Variants in PTER observed in about 807,000 individuals in gnomAD.
The protein encoded by PTER is N-acetyltaurine hydrolase.
Under a neutral mutation model 29.6 loss-of-function variants are expected in PTER, and 38 were observed. The ratio of observed to expected loss-of-function variants is 1.28; its 90% confidence interval spans 0.99 to 1.68. The LOEUF (loss-of-function observed/expected upper bound fraction) is 1.68. PTER is among the 40% of genes most tolerant of loss of function. The pLI is 0.00. For missense variants in PTER, 482 were observed against 427.8 expected, an observed-to-expected ratio of 1.13 and a Z score of -1.12; for synonymous variants, 172 against 154.5, an observed-to-expected ratio of 1.11 and a Z score of -0.84.
Position 16,512,243 on chromosome 10 carries a change from G to C in PTER, c.*987G>C, listed in dbSNP as rs764758441. 3 of 152,046 alleles carry C rather than the reference G, an allele frequency of 2.0e-5. No individual in the cohort carries two copies. In the East Asian group the frequency reaches 5.8e-4, roughly 29 times the overall value. 9.4% of individuals were successfully genotyped at this position (152,046 alleles called of 1,614,324 possible). A position where few individuals can be genotyped will look rare whatever the true frequency, so the allele number is the denominator to read the frequency against. On this transcript the variant is annotated 3_prime_UTR_variant, in exon 5 of 5. Transcript: ENST00000535784. ...AAAAGGTATCCAGCCCTGATATTTT[G>C]TGTAAATAAAATGTTTTTAAAACCT...
chr10:16,512,678 A>G lies in PTER; in HGVS notation c.*1422A>G, dbSNP rs1836858896. ...TGTGTATTGGAACAGAAAGTAACAA[A>G]GAGGAATGAGCCAGGAGAACAAACT... On this transcript the variant is annotated 3_prime_UTR_variant, in exon 5 of 5. Coordinates refer to ENST00000535784, the MANE Select transcript of PTER (RefSeq NM_001261836.2). The G allele has an allele frequency of 6.6e-6, 1 of 152,150 alleles. No homozygotes were observed. The highest frequency in any genetic ancestry group is 2.4e-5 in the African/African-American group (1 of 41,448). 9.4% of individuals were successfully genotyped at this position (152,150 alleles called of 1,614,324 possible).
At position 16,447,260 on chromosome 10, in the gene PTER, A is replaced by ATT. The variant is rs1008019019; in HGVS notation, c.-49+10225_-49+10226dup. The stretch of plus-strand genomic sequence containing the variant: ...AGACGACAGGCACATGCCACACCTA[A>ATT]TTTTTTTTTTTTTACTTTTGTAGAG... On this transcript the variant is annotated intron_variant, in intron 1 of 4. Transcript: ENST00000535784. 1.3e-4 allele frequency among the ~76,000 whole-genome samples: 18 copies of ATT among 142,512 alleles called. No individual in the cohort carries two copies. In the South Asian group the frequency reaches 4.0e-3, roughly 32 times the overall value. 93.5% of individuals were successfully genotyped at this position (142,512 alleles called of 152,430 possible). A position where few individuals can be genotyped will look rare whatever the true frequency, so the allele number is the denominator to read the frequency against.
chr10:16,481,792 C>G (rs1835489890), intron 1 of PTER, among the ~76,000 whole-genome samples: 1 of 152,182 alleles, frequency 6.6e-6, no homozygotes, highest in African/African-American at 2.4e-5. Context: ...GTTTCTGCCC[C>G]TCTGTGACTC....
chr10:16,514,040 T>A, downstream of PTER: 1 of 329,304 alleles, frequency 3.0e-6, no homozygotes. Flanking sequence ...AACAATTTCT[T>A]TGGGGACAAG....
At chr10:16,486,646 A>T in intron 3 of PTER, 29 bp downstream of exon 3, 2 of 1,584,274 alleles carry the variant, frequency 1.3e-6, no homozygotes, top group Non-Finnish European at 1.7e-6. Flanking sequence ...AAATGGATGC[A>T]AACTGCCATA....
At chr10:16,468,796 A>G in intron 1 of PTER, among the ~76,000 whole-genome samples, 1 of 143,012 alleles carries the variant, frequency 7.0e-6, no homozygotes, top group South Asian at 2.3e-4. Flanking sequence ...CAACACAGGG[A>G]GACCCCTTTC....
At chr10:16,489,837 T>C (rs574397811) in intron 3 of PTER, among the ~76,000 whole-genome samples, 2 of 152,278 alleles carry the variant, frequency 1.3e-5, no homozygotes, top group South Asian at 4.1e-4. Context: ...AACTAAATTT[T>C]AGACTTGAGA....
chr10:16,496,440 GT>G lies in PTER; in HGVS notation c.699-8579del, dbSNP rs142700923. Reference sequence around the variant, plus strand: ...CACTGACCATGTCTTTGAGTGCCCTGTATTGGTTGTCCTTATATGCATCTCA... The same window carrying G: ...CACTGACCATGTCTTTGAGTGCCCTGATTGGTTGTCCTTATATGCATCTCA... On this transcript the variant is annotated intron_variant, in intron 3 of 4. Coordinates refer to ENST00000535784, the MANE Select transcript of PTER (RefSeq NM_001261836.2). 4.6e-3 allele frequency among the ~76,000 whole-genome samples: 699 copies of G among 152,280 alleles called. 6 individuals carry two copies. The highest frequency in any genetic ancestry group is 0.015 in the African/African-American group (640 of 41,542).
intron 1 of PTER, among the ~76,000 whole-genome samples, chr10:16,475,168 A>G (rs1052206087): frequency 1.3e-5 from 2 of 152,150 alleles, no homozygotes; most frequent in African/African-American, 4.8e-5. Context: ...CAACATAGGA[A>G]TTTTGGAGGG....
Position 16,511,259 on chromosome 10 carries a change from T to C in PTER, c.*3T>C. On this transcript the variant is annotated 3_prime_UTR_variant, in exon 5 of 5. Coordinates refer to ENST00000535784, the MANE Select transcript of PTER (RefSeq NM_001261836.2). ...AGCAATGGCTAACTTTCAAATAGGATGGTTGCTTATGAATTCACACCTTGA... is the reference window on the plus strand; with the variant it reads ...AGCAATGGCTAACTTTCAAATAGGACGGTTGCTTATGAATTCACACCTTGA... The C allele has an allele frequency of 2.5e-6, 4 of 1,610,522 alleles. No individual in the cohort carries two copies. Among genetic ancestry groups the C allele is most frequent in the Non-Finnish European group, 3.4e-6 (4 of 1,176,908 alleles).
chr10:16,459,877 G>T (rs527680906), intron 1 of PTER, among the ~76,000 whole-genome samples: 22 of 152,146 alleles, frequency 1.4e-4, no homozygotes, highest in Middle Eastern at 3.4e-3. Flanking sequence ...CCTCCTGAGT[G>T]GCTGGGATTA....
At chr10:16,504,693 A>G (rs904368795) in intron 3 of PTER, among the ~76,000 whole-genome samples, 2 of 152,196 alleles carry the variant, frequency 1.3e-5, no homozygotes, top group Non-Finnish European at 2.9e-5. Context: ...GATTCTCAAA[A>G]TAGTGTGGGG....
chr10:16,510,590 T>G (rs959330854), intron 4 of PTER, among the ~76,000 whole-genome samples: 1 of 152,186 alleles, frequency 6.6e-6, no homozygotes, highest in African/African-American at 2.4e-5. Context: ...TTTCCCTATT[T>G]TAATCGCAAA....
At chr10:16,440,602 T>C (rs1174361197) in intron 1 of PTER, among the ~76,000 whole-genome samples, 1 of 152,178 alleles carries the variant, frequency 6.6e-6, no homozygotes, top group African/African-American at 2.4e-5. Context: ...CGTGACTTGT[T>C]TGGCTAACGA....
At chr10:16,499,285 T>C (rs928008650) in intron 3 of PTER, among the ~76,000 whole-genome samples, 5 of 152,150 alleles carry the variant, frequency 3.3e-5, no homozygotes, top group African/African-American at 1.2e-4. Flanking sequence ...TCATACCACA[T>C]ACTACTTATT....
chr10:16,516,997 A>C (rs966931816), downstream of PTER, among the ~76,000 whole-genome samples: 1 of 152,194 alleles, frequency 6.6e-6, no homozygotes, highest in Non-Finnish European at 1.5e-5. Flanking sequence ...TACTCTAAAG[A>C]TATAACAGGA....
chr10:16,463,771 C>A (rs188400573), intron 1 of PTER, among the ~76,000 whole-genome samples: 2 of 152,112 alleles, frequency 1.3e-5, no homozygotes, highest in Non-Finnish European at 2.9e-5. Flanking sequence ...TGTTGGTCGA[C>A]GCCCAAAGGA....
At chr10:16,439,749 TG>T (rs942780909) in intron 1 of PTER, among the ~76,000 whole-genome samples, 2 of 152,094 alleles carry the variant, frequency 1.3e-5, no homozygotes, top group Non-Finnish European at 1.5e-5. Context: ...TTTGTAGAGA[TG>T]GGGGGTCTTG....
At chr10:16,486,213 C>A in intron 2 of PTER, 139 bp from the exon 3 acceptor site, 1 of 1,015,932 alleles carries the variant, frequency 9.8e-7, no homozygotes, top group Non-Finnish European at 1.4e-6. Flanking sequence ...TTTTCCTTGG[C>A]CAATATTAAT....
Sources: allele counts gnomAD v4.1 joint callset (sites outside exome capture counted in the v4.1 genomes callset), GRCh38; gene constraint gnomAD v4.1.1; transcripts MANE v1.5; gene names NCBI Gene and HGNC (gene_info 2026-07-23, HGNC 2026-07-21).